The following HNF4A variants were observed in gnomAD, a reference collection of about 807,000 sequenced individuals.
The protein encoded by HNF4A is hepatocyte nuclear factor 4 alpha.
HNF4A carries 15 observed loss-of-function variants against 52.4 expected under a neutral mutation model. The ratio of observed to expected loss-of-function variants is 0.29; its 90% CI spans 0.19 to 0.44. The LOEUF (loss-of-function observed/expected upper bound fraction) is 0.44. Among genes scored for constraint, HNF4A ranks in the 20% least tolerant of loss-of-function variants. The probability of loss-of-function intolerance (pLI) is 1.00; values close to 1 mark genes in which losing one functional copy is unlikely to be tolerated. For synonymous variants in HNF4A, 280 were observed against 264.4 expected (o/e 1.06, Z -0.57); for missense variants, 479 against 647.2 (o/e 0.74, Z 2.82).
At chr20:44,404,980 A>G (rs897340423) in intron 1 of HNF4A, among the ~76,000 whole-genome samples, 10 of 8,594 alleles carry the variant, frequency 1.2e-3, no homozygotes, top group South Asian at 4.7e-3. Context: ...TGTGGTGTGT[A>G]AGGTGTGTGT....
At chr20:44,368,833 C>T (rs539936821) in intron 1 of HNF4A, among the ~76,000 whole-genome samples, 2 of 152,206 alleles carry the variant, frequency 1.3e-5, no homozygotes, top group Non-Finnish European at 1.5e-5. Context: ...TGATTTATCT[C>T]CAAATTGGGA....
At chr20:44,417,920 G>C (rs539374720) in intron 5 of HNF4A, among the ~76,000 whole-genome samples, 1 of 149,018 alleles carries the variant, frequency 6.7e-6, no homozygotes, top group Admixed American at 6.7e-5. Flanking sequence ...AGTGAGCCGA[G>C]ATCATGCCAC....
chr20:44,419,229 G>C (rs2063709856), intron 6 of HNF4A, among the ~76,000 whole-genome samples: 1 of 152,224 alleles, frequency 6.6e-6, no homozygotes. Flanking sequence ...TGTGCTCACT[G>C]CTTTGCAAAC....
chr20:44,414,097 A>C (rs2063625960), intron 4 of HNF4A, among the ~76,000 whole-genome samples: 1 of 152,220 alleles, frequency 6.6e-6, no homozygotes, highest in Non-Finnish European at 1.5e-5. Context: ...AGAACAGAGC[A>C]GTGGCTCAGT....
At position 44,385,059 on chromosome 20, in the gene HNF4A, C is replaced by CTTTTTTTTTTTTTTTTTTT. The variant is rs775721024; in HGVS notation, c.50-20989_50-20971dup. Among the ~76,000 whole-genome samples the CTTTTTTTTTTTTTTTTTTT allele has an allele frequency of 3.9e-3, 137 of 34,986 alleles. 35 individuals are homozygous for CTTTTTTTTTTTTTTTTTTT. Among genetic ancestry groups the CTTTTTTTTTTTTTTTTTTT allele is most frequent in the East Asian group, 0.016 (7 of 442 alleles). The allele number at this position is 34,986 out of a possible 152,430, so 23.0% of individuals were successfully genotyped here. ...AGTGGTTTCAGCTGAACTCTGTGAT[C>CTTTTTTTTTTTTTTTTTTT]TTTTTTTTTTTTTTTTTTTTTTTTT... On this transcript the variant is annotated intron_variant, in intron 1 of 9. Coordinates refer to the HNF4A transcript ENST00000316673.
chr20:44,420,166 T>C (rs1407299580), intron 7 of HNF4A, among the ~76,000 whole-genome samples: 1 of 151,872 alleles, frequency 6.6e-6, no homozygotes, highest in Non-Finnish European at 1.5e-5. Context: ...ACCCCATCTC[T>C]ACTAAAAATA....
At chr20:44,378,469 T>A in intron 1 of HNF4A, among the ~76,000 whole-genome samples, 1 of 152,066 alleles carries the variant, frequency 6.6e-6, no homozygotes, top group East Asian at 1.9e-4. Flanking sequence ...GGTTTCACTA[T>A]GTTGCCCAGG....
At position 44,401,310 on chromosome 20, in the gene HNF4A, G is replaced by A; in HGVS notation, c.-63G>A. The stretch of plus-strand genomic sequence containing the variant: ...GGAGGAGGCAGTGGGAGGGCGGAGG[G>A]CGGGGGCCTTCGGGGTGGGCGCCCA... On this transcript the variant is annotated 5_prime_UTR_variant, in exon 1 of 10. Coordinates refer to ENST00000316099, the MANE Select transcript of HNF4A (RefSeq NM_000457.6). The A allele has an allele frequency of 6.2e-7, 1 of 1,610,898 alleles. No individual in the cohort carries two copies. The highest frequency in any genetic ancestry group is 1.1e-5 in the South Asian group (1 of 90,966).
chr20:44,383,320 A>T (rs1416294547), intron 1 of HNF4A, among the ~76,000 whole-genome samples: 1 of 152,158 alleles, frequency 6.6e-6, no homozygotes, highest in Non-Finnish European at 1.5e-5. Flanking sequence ...ACCTAATGCC[A>T]TACACATCAT....
chr20:44,426,364 C>G (rs2063814683), intron 8 of HNF4A, among the ~76,000 whole-genome samples: 1 of 151,818 alleles, frequency 6.6e-6, no homozygotes, highest in African/African-American at 2.4e-5. Flanking sequence ...GGAGAGTGCT[C>G]CAAAGAGAGT....
intron 9 of HNF4A, 70 bp from the exon 10 acceptor site, chr20:44,429,453 G>C: frequency 1.3e-6 from 2 of 1,593,250 alleles, no homozygotes; most frequent in Non-Finnish European, 1.7e-6. Flanking sequence ...GAACTTTCCC[G>C]GGCCTCTTCA....
At chr20:44,366,497 T>C (rs1422997183) in intron 1 of HNF4A, among the ~76,000 whole-genome samples, 1 of 152,140 alleles carries the variant, frequency 6.6e-6, no homozygotes, top group East Asian at 1.9e-4. Context: ...GGCACGCACC[T>C]GTAATCCCAG....
At chr20:44,392,549 G>A (rs1356597082) in intron 1 of HNF4A, among the ~76,000 whole-genome samples, 1 of 152,150 alleles carries the variant, frequency 6.6e-6, no homozygotes. Flanking sequence ...TCACTATGTT[G>A]CCCAGGCTGG....
At chr20:44,425,269 C>T (rs895277869) in intron 8 of HNF4A, among the ~76,000 whole-genome samples, 2 of 152,174 alleles carry the variant, frequency 1.3e-5, no homozygotes, top group African/African-American at 4.8e-5. Flanking sequence ...AGGTGTGAGC[C>T]GCCACACCCA....
At chr20:44,399,424 C>A (rs1332442652), upstream of HNF4A, among the ~76,000 whole-genome samples, 2 of 152,072 alleles carry the variant, frequency 1.3e-5, no homozygotes, top group Admixed American at 6.5e-5. Flanking sequence ...TTGTCCTCCA[C>A]AACAGTTGCT....
At chr20:44,396,972 G>A (rs943646835), upstream of HNF4A, among the ~76,000 whole-genome samples, 4 of 152,088 alleles carry the variant, frequency 2.6e-5, no homozygotes, top group African/African-American at 7.2e-5. Context: ...TAATCTTCAC[G>A]ACAAACGACA....
intron 1 of HNF4A, among the ~76,000 whole-genome samples, chr20:44,403,107 C>T (rs2063434073): frequency 6.6e-6 from 1 of 152,296 alleles, no homozygotes; most frequent in South Asian, 2.1e-4. Context: ...TGTTGTGTGG[C>T]CCCACGAGGA....
intron 1 of HNF4A, chr20:44,390,387 C>T (rs1256226594): frequency 4.0e-6 from 2 of 504,118 alleles, no homozygotes; most frequent in Non-Finnish European, 7.1e-6. Flanking sequence ...TCTCCCATTC[C>T]TATTGGGGTT....
intron 1 of HNF4A, among the ~76,000 whole-genome samples, chr20:44,368,908 G>A (rs2063000861): frequency 6.6e-6 from 1 of 152,074 alleles, no homozygotes; most frequent in Admixed American, 6.6e-5. Flanking sequence ...AAAAAATCAA[G>A]AAGTCTTGAT....
Sources: allele counts gnomAD v4.1 joint callset (sites outside exome capture counted in the v4.1 genomes callset), GRCh38; gene constraint gnomAD v4.1.1; transcripts MANE v1.5; gene names NCBI Gene and HGNC (gene_info 2026-07-23, HGNC 2026-07-21).